Variants in NFKB1 observed in about 807,000 individuals in gnomAD.
NFKB1 encodes the protein nuclear factor NF-kappa-B p105 subunit.
Under a neutral mutation model 105.1 loss-of-function variants are expected in NFKB1, and 9 were observed. The observed-to-expected ratio is 0.09, with a 90% CI of 0.05 to 0.15. NFKB1 has a LOEUF of 0.15. Among genes scored for constraint, NFKB1 ranks in the 10% least tolerant of loss-of-function variants. The pLI, the probability that NFKB1 is intolerant of heterozygous loss-of-function variation, is 1.00. For synonymous variants in NFKB1, 440 were observed against 442.2 expected (o/e 1.00, Z 0.06); for missense variants, 830 against 1,203.7 (o/e 0.69, Z 4.59).
At chr4:102,503,992 C>G (rs1181005305) in intron 1 of NFKB1, among the ~76,000 whole-genome samples, 2 of 152,178 alleles carry the variant, frequency 1.3e-5, no homozygotes, top group Non-Finnish European at 2.9e-5. Context: ...GTTGGACTAT[C>G]ATTCCATCAG....
chr4:102,514,016 A>T lies in NFKB1; in HGVS notation c.-7-11496A>T, dbSNP rs1005202123. On this transcript the variant is annotated intron_variant, in intron 1 of 23. Transcript: ENST00000226574. Reference sequence around the variant, plus strand: ...GTGAAACCCCATCTCTACTAAAAAAATACAAAAACTTAGCCAGGCGTTGTG... The same window carrying T: ...GTGAAACCCCATCTCTACTAAAAAATTACAAAAACTTAGCCAGGCGTTGTG... 7.2e-5 allele frequency among the ~76,000 whole-genome samples: 11 copies of T among 152,032 alleles called. No individual in the cohort carries two copies. The South Asian group carries it at 1.5e-3, about 20-fold the overall frequency.
intron 15 of NFKB1, among the ~76,000 whole-genome samples, chr4:102,600,306 C>T (rs2149212489): frequency 6.6e-6 from 1 of 152,296 alleles, no homozygotes; most frequent in South Asian, 2.1e-4. Context: ...GAAATACAAT[C>T]ACTTTGTTTC....
chr4:102,527,603 T>G (rs907584802), intron 2 of NFKB1, among the ~76,000 whole-genome samples: 1 of 152,214 alleles, frequency 6.6e-6, no homozygotes, highest in South Asian at 2.1e-4. Context: ...ATGACTGCAT[T>G]GCTTTTCACA....
chr4:102,569,139 A>C (rs180776552), intron 6 of NFKB1, among the ~76,000 whole-genome samples: 5 of 152,142 alleles, frequency 3.3e-5, no homozygotes, highest in Admixed American at 2.0e-4. Flanking sequence ...ATTTGTTTCT[A>C]TCTCTCTCTA....
At chr4:102,552,818 G>A (rs1182240146) in intron 5 of NFKB1, among the ~76,000 whole-genome samples, 1 of 152,040 alleles carries the variant, frequency 6.6e-6, no homozygotes, top group Non-Finnish European at 1.5e-5. Context: ...CAAATTACTG[G>A]CTGATCCTAG....
intron 6 of NFKB1, 134 bp downstream of exon 6, chr4:102,567,269 T>A (rs1406880709): frequency 3.2e-6 from 3 of 945,232 alleles, no homozygotes; most frequent in African/African-American, 3.3e-5. Context: ...CTGTGTAAAC[T>A]TGTGCTTTCA....
At chr4:102,547,048 G>C (rs1407545819) in intron 5 of NFKB1, among the ~76,000 whole-genome samples, 1 of 152,098 alleles carries the variant, frequency 6.6e-6, no homozygotes, top group East Asian at 1.9e-4. Flanking sequence ...ATGAGCTCCT[G>C]ATCAAAAATT....
At chr4:102,614,862 T>C (rs544849092) in intron 23 of NFKB1, among the ~76,000 whole-genome samples, 2 of 152,098 alleles carry the variant, frequency 1.3e-5, no homozygotes, top group East Asian at 1.9e-4. Context: ...AGCCCAATAC[T>C]GGCTACATCT....
chr4:102,513,738 C>T (rs1739928728), intron 1 of NFKB1, among the ~76,000 whole-genome samples: 1 of 152,102 alleles, frequency 6.6e-6, no homozygotes, highest in Non-Finnish European at 1.5e-5. Flanking sequence ...GGATATTTTT[C>T]TATCACTGGT....
At chr4:102,580,780 T>C in intron 9 of NFKB1, 141 bp downstream of exon 9, 1 of 598,266 alleles carries the variant, frequency 1.7e-6, no homozygotes, top group Admixed American at 3.6e-5. Flanking sequence ...AGCATTTACG[T>C]TTTACCTCTT....
chr4:102,604,793 C>T (rs575990672), intron 16 of NFKB1, among the ~76,000 whole-genome samples: 1 of 152,140 alleles, frequency 6.6e-6, no homozygotes, highest in Non-Finnish European at 1.5e-5. Flanking sequence ...CACCCAGATA[C>T]ATCTGCAAGA....
rs3834210 is a variant in NFKB1 at position 102,601,341 on chromosome 4, TAAAA to T, written c.1752+336_1752+339del. The stretch of plus-strand genomic sequence containing the variant: ...TCACATCTGTCAAGAAAAATAAAGT[TAAAA>T]AAAGTTTGAAAAGCCAGTAATTTAT... On this transcript the variant is annotated intron_variant, in intron 16 of 23. Coordinates refer to ENST00000226574, the MANE Select transcript of NFKB1 (RefSeq NM_003998.4). 0.31 allele frequency among the ~76,000 whole-genome samples: 47,208 copies of T among 151,336 alleles called. 7,599 individuals carry two copies. Among genetic ancestry groups the T allele is most frequent in the East Asian group, 0.42 (2,183 of 5,150 alleles).
intron 16 of NFKB1, among the ~76,000 whole-genome samples, 183 bp from the exon 17 acceptor site, chr4:102,606,313 A>C (rs1299602193): frequency 6.6e-6 from 1 of 152,232 alleles, no homozygotes; most frequent in Non-Finnish European, 1.5e-5. Flanking sequence ...AGTACAGTAT[A>C]TGTACTTCAT....
rs551942246 is a variant in NFKB1, at chr4:102,614,165, A to G, written c.2749+584A>G. The stretch of plus-strand genomic sequence containing the variant: ...CCTTGCTTCACACTCTGTTGAAAAC[A>G]GAAGAAACCAGAACCCTCTCACCTT... On this transcript the variant is annotated intron_variant, in intron 23 of 23. Transcript: ENST00000226574. Among the ~76,000 whole-genome samples the G allele has an allele frequency of 3.6e-3, 552 of 152,294 alleles. 1 individual carries two copies. Among genetic ancestry groups the G allele is most frequent in the Non-Finnish European group, 5.5e-3 (376 of 68,022 alleles).
chr4:102,597,047 AACTTT>A lies in NFKB1; in HGVS notation c.1496-470_1496-466del, dbSNP rs1578810207. ...GCCATTCCCTGACCTTAATGGAACA[AACTTT>A]ACAAAAACGTGAGTGGCTCATTGAA... On this transcript the variant is annotated intron_variant, in intron 14 of 23. Coordinates refer to ENST00000226574, the MANE Select transcript of NFKB1 (RefSeq NM_003998.4). Among the ~76,000 whole-genome samples the A allele has an allele frequency of 2.6e-5, 4 of 152,270 alleles. No individual in the cohort carries two copies. The East Asian group carries it at 7.7e-4, about 29-fold the overall frequency.
intron 5 of NFKB1, among the ~76,000 whole-genome samples, chr4:102,560,288 G>A (rs1270059565): frequency 1.3e-5 from 2 of 152,178 alleles, no homozygotes; most frequent in Admixed American, 1.3e-4. Flanking sequence ...TATATCTGAT[G>A]TAGTAAAACT....
chr4:102,573,877 G>T (rs1724590475), intron 6 of NFKB1, among the ~76,000 whole-genome samples: 2 of 150,618 alleles, frequency 1.3e-5, no homozygotes, highest in South Asian at 4.2e-4. Context: ...CTATAGATTT[G>T]TTTGGGGTCT....
At chr4:102,539,236 CAAAAAAAAA>C (rs550342036) in intron 5 of NFKB1, among the ~76,000 whole-genome samples, 1,883 of 95,636 alleles carry the variant, frequency 0.02, 42 homozygotes, top group African/African-American at 0.067. Context: ...GACTCTGTCT[CAAAAAAAAA>C]AAAAAAAAAA....
intron 5 of NFKB1, among the ~76,000 whole-genome samples, chr4:102,548,769 A>G (rs2149140309): frequency 6.6e-6 from 1 of 152,022 alleles, no homozygotes; most frequent in African/African-American, 2.4e-5. Context: ...CATCATTCCA[A>G]TTTCTGTCTC....
Sources: allele counts gnomAD v4.1 joint callset (sites outside exome capture counted in the v4.1 genomes callset), GRCh38; gene constraint gnomAD v4.1.1; transcripts MANE v1.5; gene names NCBI Gene and HGNC (gene_info 2026-07-23, HGNC 2026-07-21).